FRMD4A: variants seen among roughly 807,000 people sequenced by gnomAD.
The protein encoded by FRMD4A is FERM domain-containing protein 4A.
In FRMD4A, 29 loss-of-function variants were observed where a neutral mutation model predicts 129.1. The observed-to-expected ratio is 0.22, with a 90% CI of 0.17 to 0.31. FRMD4A has a LOEUF of 0.31. Ranked by LOEUF, FRMD4A falls within the 10% of genes least tolerant of loss-of-function variation. FRMD4A has a pLI of 1.00. For synonymous variants in FRMD4A, 634 were observed against 571.6 expected, an observed-to-expected ratio of 1.11 and a Z score of -1.56; for missense variants, 1,272 against 1,375.8, an observed-to-expected ratio of 0.92 and a Z score of 1.19.
chr10:13,741,390 G>T (rs1434906913), intron 9 of FRMD4A, among the ~76,000 whole-genome samples: 3 of 152,104 alleles, frequency 2.0e-5, no homozygotes, highest in Non-Finnish European at 2.9e-5. Flanking sequence ...GGTCAAGGCT[G>T]CAGTGAGCTA....
chr10:13,871,602 C>A (rs990736382), intron 2 of FRMD4A, among the ~76,000 whole-genome samples: 1 of 152,184 alleles, frequency 6.6e-6, no homozygotes, highest in Non-Finnish European at 1.5e-5. Flanking sequence ...TAGCTTTGTA[C>A]AAAAGACTGA....
intron 5 of FRMD4A, among the ~76,000 whole-genome samples, chr10:13,785,492 C>T (rs1455172519): frequency 6.6e-6 from 1 of 152,186 alleles, no homozygotes; most frequent in Non-Finnish European, 1.5e-5. Context: ...TAAAGTTAAA[C>T]AACTTTTAGT....
At chr10:13,889,329 A>G (rs1166806171) in intron 2 of FRMD4A, among the ~76,000 whole-genome samples, 1 of 152,240 alleles carries the variant, frequency 6.6e-6, no homozygotes, top group African/African-American at 2.4e-5. Context: ...GCTATTCCAC[A>G]GAGCTCTCTC....
Position 13,968,127 on chromosome 10 carries a change from G to C in FRMD4A, c.46-109215C>G, listed in dbSNP as rs549546330. Among the ~76,000 whole-genome samples, 434 of 152,258 alleles carry C rather than the reference G, an allele frequency of 2.9e-3. 5 individuals carry two copies. Among genetic ancestry groups the C allele is most frequent in the African/African-American group, 9.9e-3 (410 of 41,524 alleles). On this transcript the variant is annotated intron_variant, in intron 2 of 24. Coordinates refer to ENST00000357447, the MANE Select transcript of FRMD4A (RefSeq NM_018027.5). ...CCCTTCAGTTCAGTGGCTCCGGGTG[G>C]ACTGCACATTAGTATCAAAAACCTT... is the stretch of plus-strand genomic sequence containing the variant.
intron 2 of FRMD4A, among the ~76,000 whole-genome samples, chr10:13,943,129 C>T (rs925698670): frequency 3.3e-5 from 5 of 151,976 alleles, no homozygotes; most frequent in Non-Finnish European, 1.5e-5. Flanking sequence ...TGGGAGGAAC[C>T]GTGCTTTCTC....
intron 7 of FRMD4A, 87 bp from the exon 8 acceptor site, chr10:13,761,756 T>C (rs1180080203): frequency 1.1e-6 from 1 of 882,014 alleles, no homozygotes; most frequent in East Asian, 2.4e-5. Context: ...TGAGAGTTTC[T>C]CTACTGAATG....
chr10:13,844,234 A>C (rs2094011059), intron 3 of FRMD4A, among the ~76,000 whole-genome samples: 1 of 152,156 alleles, frequency 6.6e-6, no homozygotes, highest in South Asian at 2.1e-4. Flanking sequence ...TGAAGGCTTT[A>C]GACATCACAT....
At chr10:14,208,914 C>A (rs1430629214) in intron 2 of FRMD4A, among the ~76,000 whole-genome samples, 1 of 152,184 alleles carries the variant, frequency 6.6e-6, no homozygotes, top group African/African-American at 2.4e-5. Context: ...CCAAACTCTC[C>A]TGTGGTCTTC....
At chr10:13,741,369 T>C (rs1374324330) in intron 9 of FRMD4A, among the ~76,000 whole-genome samples, 3 of 152,080 alleles carry the variant, frequency 2.0e-5, no homozygotes, top group Non-Finnish European at 4.4e-5. Context: ...GAGGATTGCT[T>C]GAGCCCAGGA....
intron 6 of FRMD4A, among the ~76,000 whole-genome samples, chr10:13,765,392 C>G (rs2092252098): frequency 6.6e-6 from 1 of 152,098 alleles, no homozygotes; most frequent in African/African-American, 2.4e-5. Flanking sequence ...ACTGGAATTA[C>G]AGGCATGAGC....
chr10:14,073,474 G>A (rs1387831673), intron 2 of FRMD4A, among the ~76,000 whole-genome samples: 1 of 152,128 alleles, frequency 6.6e-6, no homozygotes, highest in Non-Finnish European at 1.5e-5. Flanking sequence ...TGGTTTTGTG[G>A]TTGTGTGGAT....
intron 2 of FRMD4A, among the ~76,000 whole-genome samples, chr10:14,112,925 C>A (rs1428503294): frequency 1.3e-5 from 2 of 152,066 alleles, no homozygotes; most frequent in African/African-American, 2.4e-5. Flanking sequence ...CAGTGACAGA[C>A]AAAGAGGTTA....
In FRMD4A at chr10:13,657,256, T is replaced by C; in HGVS notation, c.2333A>G (p.Lys778Arg). ...CCGCTGCCTCTGCCTCTGGCGCGCC[T>C]TGGACGGCGAGTCCTCGGCCAGCGT... ...YSTLAEDSPS[K>R]ARQRQRQRQR... The change falls in exon 22 of 25, where the codon AAG (lysine) becomes AGG (arginine). Residue 778 changes from lysine (K) to arginine (R), a missense_variant. Lys to Arg is a conservative substitution (Grantham distance 26, BLOSUM62 2). Around this residue, in one of 2 missense-constraint regions of FRMD4A, gnomAD observed 972 missense variants for 892.3 expected, o/e 1.09. Coordinates refer to ENST00000357447, the MANE Select transcript of FRMD4A (RefSeq NM_018027.5). 1 of 1,597,152 alleles carries C rather than the reference T, an allele frequency of 6.3e-7. No individual in the cohort carries two copies. The highest frequency in any genetic ancestry group is 8.5e-7 in the Non-Finnish European group (1 of 1,175,350).
intron 2 of FRMD4A, among the ~76,000 whole-genome samples, chr10:13,944,847 T>A (rs965333537): frequency 6.6e-6 from 1 of 152,214 alleles, no homozygotes; most frequent in South Asian, 2.1e-4. Context: ...GAAAGCAACT[T>A]CTTATCCTTC....
chr10:13,681,678 A>G (rs1024124327), intron 15 of FRMD4A, among the ~76,000 whole-genome samples: 3 of 152,168 alleles, frequency 2.0e-5, no homozygotes, highest in Non-Finnish European at 4.4e-5. Context: ...AGCTTCCTCT[A>G]AAGCCAAAGC....
intron 3 of FRMD4A, among the ~76,000 whole-genome samples, chr10:13,850,316 T>C (rs1309774798): frequency 6.6e-6 from 1 of 152,156 alleles, no homozygotes; most frequent in African/African-American, 2.4e-5. Flanking sequence ...TAGCCCAGAC[T>C]ATTTACTTGC....
intron 2 of FRMD4A, among the ~76,000 whole-genome samples, chr10:14,248,203 A>AATGC (rs3034169): frequency 0.93 from 141,065 of 151,942 alleles, 65,926 homozygotes; most frequent in East Asian, 1. Flanking sequence ...TTAGAAAACT[A>AATGC]ATCTGCCCAA....
At chr10:13,693,076 T>C (rs1170110025) in intron 15 of FRMD4A, 1 of 151,168 alleles carries the variant, frequency 6.6e-6, no homozygotes, top group African/African-American at 2.4e-5. Flanking sequence ...TCTCATTATA[T>C]TGCCCAGGCT....
At chr10:13,991,303 A>G (rs145033209) in intron 2 of FRMD4A, among the ~76,000 whole-genome samples, 1,923 of 152,342 alleles carry the variant, frequency 0.013, 25 homozygotes, top group Admixed American at 0.027. Context: ...CCTCTTTTCC[A>G]GCCCTTATCC....
Sources: allele counts gnomAD v4.1 joint callset (sites outside exome capture counted in the v4.1 genomes callset), GRCh38; gene constraint gnomAD v4.1.1; regional missense constraint gnomAD v4.1.1; transcripts MANE v1.5; gene names NCBI Gene and HGNC (gene_info 2026-07-23, HGNC 2026-07-21).